The following PDZD2 variants were observed in gnomAD, a reference collection of about 807,000 sequenced individuals.
PDZD2 encodes the protein PDZ domain-containing protein 2.
Under a neutral mutation model 220.7 loss-of-function variants are expected in PDZD2, and 90 were observed. That is an observed-to-expected ratio of 0.41 (90% CI 0.34 to 0.49). The LOEUF (loss-of-function observed/expected upper bound fraction) is 0.49. PDZD2 is among the 20% of genes least tolerant of loss of function. The pLI is 0.28. For missense variants in PDZD2, 3,174 were observed against 3,608.5 expected (o/e 0.88, Z 3.08); for synonymous variants, 1,375 against 1,450.5 (o/e 0.95, Z 1.18).
At chr5:32,003,156 C>T (rs1239919632) in intron 5 of PDZD2, among the ~76,000 whole-genome samples, 1 of 34,538 alleles carries the variant, frequency 2.9e-5, no homozygotes, top group Non-Finnish European at 9.4e-5. Context: ...CACACACCAC[C>T]AACACACACA....
chr5:31,797,419 G>A (rs1432417249), intron 1 of PDZD2, among the ~76,000 whole-genome samples: 1 of 151,968 alleles, frequency 6.6e-6, no homozygotes, highest in Non-Finnish European at 1.5e-5. Context: ...ATAAGACAGT[G>A]ATCAGCCTGG....
intron 2 of PDZD2, among the ~76,000 whole-genome samples, chr5:31,922,850 T>C (rs6867894): frequency 0.61 from 92,253 of 151,916 alleles, 28,392 homozygotes; most frequent in East Asian, 0.85. Context: ...AGCCGATTTT[T>C]GTATTTTTAG....
At chr5:31,650,866 C>G (rs1580516903) in intron 1 of PDZD2, among the ~76,000 whole-genome samples, 1 of 152,118 alleles carries the variant, frequency 6.6e-6, no homozygotes, top group East Asian at 1.9e-4. Flanking sequence ...GATAAGAGCC[C>G]TAGGGTGAGA....
chr5:32,081,629 A>T (rs1390828469), intron 19 of PDZD2, among the ~76,000 whole-genome samples: 1 of 152,222 alleles, frequency 6.6e-6, no homozygotes, highest in Admixed American at 6.5e-5. Context: ...CCTGCTGAGT[A>T]CTTGAGTGCT....
chr5:31,709,088 A>G (rs56134316), intron 1 of PDZD2, among the ~76,000 whole-genome samples: 20,502 of 151,922 alleles, frequency 0.13, 1,521 homozygotes, highest in East Asian at 0.21. Flanking sequence ...GGGTTTCACC[A>G]TGTTGGCCAG....
intron 1 of PDZD2, among the ~76,000 whole-genome samples, chr5:31,713,924 G>C (rs2150141310): frequency 6.6e-6 from 1 of 152,302 alleles, no homozygotes; most frequent in Admixed American, 6.5e-5. Context: ...CATGCTTCTT[G>C]TACAGCCTGC....
At chr5:31,943,530 T>C (rs1311912538) in intron 2 of PDZD2, among the ~76,000 whole-genome samples, 5 of 152,214 alleles carry the variant, frequency 3.3e-5, no homozygotes, top group Non-Finnish European at 7.3e-5. Flanking sequence ...AACATGGGAA[T>C]GTACATTCGG....
chr5:31,661,554 A>C (rs1034039875), intron 1 of PDZD2: 2 of 152,166 alleles, frequency 1.3e-5, no homozygotes, highest in African/African-American at 2.4e-5. Flanking sequence ...TATAGCACCC[A>C]TTAGCTGACA....
At chr5:31,876,189 T>C (rs1210209703) in intron 2 of PDZD2, among the ~76,000 whole-genome samples, 1 of 152,194 alleles carries the variant, frequency 6.6e-6, no homozygotes, top group African/African-American at 2.4e-5. Flanking sequence ...ATGTACTTTC[T>C]AGTTTTGGTT....
intron 2 of PDZD2, among the ~76,000 whole-genome samples, chr5:31,848,467 G>A (rs1757716817): frequency 6.6e-6 from 1 of 152,250 alleles, no homozygotes; most frequent in African/African-American, 2.4e-5. Context: ...GTGAACTTGG[G>A]GCCTGGCGCC....
rs1418545291 is a variant in PDZD2, at chr5:31,995,605, G to A, written c.1008G>A (p.Glu336=). The stretch of plus-strand genomic sequence containing the variant: ...AAGTTGGCCGAATATGGAAGATGGA[G>A]CTGCTCAAAGAATCGGATGGGCTGG... ...REEVGRIWKM[E]LLKESDGLGI... The change falls in exon 4 of 25, where the codon GAG becomes GAA. Residue 336 remains glutamate (E), a synonymous_variant. Transcript: ENST00000438447. The A allele has an allele frequency of 1.9e-6, 3 of 1,614,038 alleles. No individual in the cohort carries two copies. Among genetic ancestry groups the A allele is most frequent in the African/African-American group, 2.7e-5 (2 of 74,922 alleles).
At chr5:31,666,645 A>G (rs963241204) in intron 1 of PDZD2, among the ~76,000 whole-genome samples, 2 of 152,218 alleles carry the variant, frequency 1.3e-5, no homozygotes, top group African/African-American at 4.8e-5. Context: ...TTGGGACAGA[A>G]TACAGTCGGT....
In PDZD2 at chr5:31,737,376, G is replaced by A. The variant is rs1017755519; in HGVS notation, c.-360-61513G>A. Among the ~76,000 whole-genome samples the A allele has an allele frequency of 3.9e-5, 6 of 152,054 alleles. No individual in the cohort carries two copies. The East Asian group carries it at 5.8e-4, about 15-fold the overall frequency. On this transcript the variant is annotated intron_variant, in intron 1 of 24. Coordinates refer to ENST00000438447, the MANE Select transcript of PDZD2 (RefSeq NM_178140.4). ...TTTAGTAGAGATGGGGTTTCACCGTGTTAGCCAGGATGGTCTTGATCTCCT... is the reference window on the plus strand; with the variant it reads ...TTTAGTAGAGATGGGGTTTCACCGTATTAGCCAGGATGGTCTTGATCTCCT...
At chr5:31,689,104 T>G (rs1171749902) in intron 1 of PDZD2, among the ~76,000 whole-genome samples, 3 of 151,702 alleles carry the variant, frequency 2.0e-5, no homozygotes, top group Admixed American at 6.6e-5. Flanking sequence ...GTTTCGCTCT[T>G]GTCACTCAGG....
intron 5 of PDZD2, among the ~76,000 whole-genome samples, chr5:32,009,992 C>G (rs1753155080): frequency 6.6e-6 from 1 of 150,498 alleles, no homozygotes; most frequent in African/African-American, 2.5e-5. Flanking sequence ...GAGGCTGATG[C>G]AGGAGAATCA....
Position 32,059,368 on chromosome 5 carries a change from G to C in PDZD2, c.2318+12G>C. On this transcript the variant is annotated intron_variant, in intron 13 of 24. Coordinates refer to ENST00000438447, the MANE Select transcript of PDZD2 (RefSeq NM_178140.4). Reference sequence around the variant, plus strand: ...GAGAGCAACCTGAGGTTTGTTGTTTGCCTGATAGTGTAAGGTTCTGGAGTG... The same window carrying C: ...GAGAGCAACCTGAGGTTTGTTGTTTCCCTGATAGTGTAAGGTTCTGGAGTG... The C allele has an allele frequency of 7.5e-7, 1 of 1,336,440 alleles. No individual in the cohort carries two copies. Among genetic ancestry groups the C allele is most frequent in the Non-Finnish European group, 1.1e-6 (1 of 926,572 alleles). 82.8% of individuals were successfully genotyped at this position (1,336,440 alleles called of 1,614,324 possible). A position where few individuals can be genotyped will look rare whatever the true frequency, so the allele number is the denominator to read the frequency against.
chr5:31,645,305 T>C (rs976973256), intron 1 of PDZD2, among the ~76,000 whole-genome samples: 1 of 151,074 alleles, frequency 6.6e-6, no homozygotes, highest in Non-Finnish European at 1.5e-5. Flanking sequence ...GGAGTCGAAA[T>C]GGATTTCAGA....
At position 31,701,879 on chromosome 5, in the gene PDZD2, T is replaced by C. The variant is rs141340079; in HGVS notation, c.-361+62442T>C. Among the ~76,000 whole-genome samples the C allele has an allele frequency of 1.1e-3, 170 of 152,374 alleles. 1 individual carries two copies. Among genetic ancestry groups the C allele is most frequent in the African/African-American group, 3.9e-3 (162 of 41,594 alleles). On this transcript the variant is annotated intron_variant, in intron 1 of 24. Transcript: ENST00000438447. ...CAGATAAATAGAGCTTTCTGTTTCC[T>C]TTCCTGGAGTCTAAAATATCTGATC...
intron 1 of PDZD2, among the ~76,000 whole-genome samples, chr5:31,717,118 T>A (rs253929): frequency 0.75 from 114,472 of 152,002 alleles, 43,239 homozygotes; most frequent in East Asian, 0.94. Flanking sequence ...TAAAGAAAAT[T>A]AAAAAAAAGA....
Sources: allele counts gnomAD v4.1 joint callset (sites outside exome capture counted in the v4.1 genomes callset), GRCh38; gene constraint gnomAD v4.1.1; transcripts MANE v1.5; gene names NCBI Gene and HGNC (gene_info 2026-07-23, HGNC 2026-07-21).